Variants in MRTFA observed in about 807,000 individuals in gnomAD.
The protein encoded by MRTFA is myocardin related transcription factor A.
A neutral mutation model predicts 83.5 loss-of-function variants in MRTFA; 20 were observed. The observed-to-expected ratio is 0.24, with a 90% CI of 0.17 to 0.35. MRTFA has a LOEUF of 0.35. MRTFA is among the 10% of genes least tolerant of loss of function. The pLI, the probability that MRTFA is intolerant of heterozygous loss-of-function variation, is 1.00. For synonymous variants in MRTFA, 659 were observed against 541.2 expected, an observed-to-expected ratio of 1.22 and a Z score of -3.02; for missense variants, 1,200 against 1,224.7, an observed-to-expected ratio of 0.98 and a Z score of 0.30.
At chr22:40,610,425 T>A (rs1043131490) in intron 1 of MRTFA, among the ~76,000 whole-genome samples, 1 of 152,158 alleles carries the variant, frequency 6.6e-6, no homozygotes, top group African/African-American at 2.4e-5. Flanking sequence ...AACTGACTAC[T>A]GTACAGGTAA....
chr22:40,557,953 T>C (rs532934589), intron 2 of MRTFA, among the ~76,000 whole-genome samples: 1 of 152,302 alleles, frequency 6.6e-6, no homozygotes, highest in Non-Finnish European at 1.5e-5. Context: ...TTTGTATTTT[T>C]AGTAGAGATG....
chr22:40,459,822 C>CACATATACATATAT (rs1308675939), intron 4 of MRTFA, among the ~76,000 whole-genome samples: 11 of 68,252 alleles, frequency 1.6e-4, no homozygotes, highest in African/African-American at 6.4e-4. Context: ...CACACACACA[C>CACATATACATATAT]ATATATACAT....
At chr22:40,421,152 G>C (rs758865806) in intron 9 of MRTFA, 52 bp from the exon 10 acceptor site, 1 of 1,504,110 alleles carries the variant, frequency 6.6e-7, no homozygotes, top group Admixed American at 2.3e-5. Context: ...AGGCTTCTCG[G>C]GGTGGGGCTG....
At position 40,417,058 on chromosome 22, in the gene MRTFA, A is replaced by AG. The variant is rs769700880; in HGVS notation, c.2518-13dup. ...GAGGAACCATTTTCCTGTGGGACAAAGGAAAAAAAAAAAAGAGATAAAAAT... is the reference window on the plus strand; with the variant it reads ...GAGGAACCATTTTCCTGTGGGACAAAGGGAAAAAAAAAAAAGAGATAAAAAT... On this transcript the variant is annotated splice_polypyrimidine_tract_variant and intron_variant, in intron 13 of 14. Transcript: ENST00000355630. The AG allele has an allele frequency of 2.5e-6, 4 of 1,576,324 alleles. No homozygotes were observed. The highest frequency in any genetic ancestry group is 3.4e-6 in the Non-Finnish European group (4 of 1,160,888).
At chr22:40,459,693 T>C (rs1222930262) in intron 4 of MRTFA, among the ~76,000 whole-genome samples, 2 of 150,966 alleles carry the variant, frequency 1.3e-5, no homozygotes, top group Admixed American at 6.6e-5. Flanking sequence ...CTCTCTCATA[T>C]ACACATGCAC....
intron 3 of MRTFA, among the ~76,000 whole-genome samples, chr22:40,479,721 T>C (rs928554639): frequency 6.6e-6 from 1 of 152,180 alleles, no homozygotes; most frequent in African/African-American, 2.4e-5. Flanking sequence ...ATTTCAGATA[T>C]GGATGTTCAA....
chr22:40,498,252 C>CATAT (rs200779719), intron 3 of MRTFA, among the ~76,000 whole-genome samples: 810 of 77,518 alleles, frequency 0.01, 25 homozygotes, highest in African/African-American at 0.025. Flanking sequence ...GTACACACTT[C>CATAT]ATATATATAT....
At chr22:40,563,106 G>C (rs140350025) in intron 2 of MRTFA, among the ~76,000 whole-genome samples, 3 of 151,932 alleles carry the variant, frequency 2.0e-5, no homozygotes, top group Non-Finnish European at 4.4e-5. Flanking sequence ...CAACAGTACC[G>C]GCCCCTTCAC....
intron 9 of MRTFA, among the ~76,000 whole-genome samples, chr22:40,421,792 G>A (rs907673976): frequency 7.9e-5 from 12 of 152,202 alleles, no homozygotes; most frequent in Non-Finnish European, 1.0e-4. Context: ...TAGCAAGGGA[G>A]TGCCAGAGAG....
At chr22:40,532,675 T>C (rs1036633473) in intron 3 of MRTFA, among the ~76,000 whole-genome samples, 1 of 152,258 alleles carries the variant, frequency 6.6e-6, no homozygotes, top group Non-Finnish European at 1.5e-5. Context: ...GATGTATATC[T>C]GTCTTTCAAC....
At chr22:40,619,904 A>C (rs973685134) in intron 1 of MRTFA, among the ~76,000 whole-genome samples, 1 of 151,540 alleles carries the variant, frequency 6.6e-6, no homozygotes, top group Admixed American at 6.6e-5. Flanking sequence ...AAAAAAAAAA[A>C]AAAAAGAAAT....
chr22:40,470,258 T>C lies in MRTFA; in HGVS notation c.242-6972A>G, dbSNP rs1325186426. 6.1e-5 allele frequency among the ~76,000 whole-genome samples: 6 copies of C among 98,278 alleles called. 1 individual carries two copies. Among genetic ancestry groups the C allele is most frequent in the African/African-American group, 2.6e-4 (6 of 22,824 alleles). 64.5% of individuals were successfully genotyped at this position (98,278 alleles called of 152,430 possible). A position where few individuals can be genotyped will look rare whatever the true frequency, so the allele number is the denominator to read the frequency against. ...ATATATATATATATATATATATATA[T>C]ATATATATATATATATATATATAAA... On this transcript the variant is annotated intron_variant, in intron 3 of 14. Coordinates refer to ENST00000355630, the MANE Select transcript of MRTFA (RefSeq NM_020831.6).
At chr22:40,579,600 C>T (rs2055916038) in intron 2 of MRTFA, among the ~76,000 whole-genome samples, 2 of 152,146 alleles carry the variant, frequency 1.3e-5, no homozygotes, top group Non-Finnish European at 2.9e-5. Context: ...TGGCTCACCC[C>T]TGTAATCCCA....
At chr22:40,502,036 C>G (rs181544743) in intron 3 of MRTFA, among the ~76,000 whole-genome samples, 2 of 136,758 alleles carry the variant, frequency 1.5e-5, no homozygotes, top group Non-Finnish European at 3.2e-5. Context: ...GGGGGCTGAC[C>G]CCCCCACCTC....
intron 4 of MRTFA, among the ~76,000 whole-genome samples, chr22:40,438,604 G>A (rs1409051117): frequency 6.6e-6 from 1 of 152,136 alleles, no homozygotes; most frequent in Non-Finnish European, 1.5e-5. Context: ...CTGCAGTTTC[G>A]CTTTCCATGG....
At chr22:40,464,629 C>T (rs999171984) in intron 3 of MRTFA, among the ~76,000 whole-genome samples, 2 of 152,122 alleles carry the variant, frequency 1.3e-5, no homozygotes, top group Non-Finnish European at 2.9e-5. Context: ...TTCCAAGTCA[C>T]ATCTGAGAGG....
chr22:40,620,685 T>C (rs2056512188), intron 1 of MRTFA, among the ~76,000 whole-genome samples: 1 of 152,034 alleles, frequency 6.6e-6, no homozygotes, highest in African/African-American at 2.4e-5. Context: ...ATCAGGAGTG[T>C]GACTCATGAA....
At chr22:40,580,597 G>A (rs934795723) in intron 2 of MRTFA, among the ~76,000 whole-genome samples, 8 of 152,204 alleles carry the variant, frequency 5.3e-5, no homozygotes, top group South Asian at 2.1e-4. Context: ...CCATATTTGC[G>A]TCAGATTTTA....
chr22:40,525,794 C>T (rs1293362320), intron 3 of MRTFA, among the ~76,000 whole-genome samples: 3 of 151,852 alleles, frequency 2.0e-5, no homozygotes, highest in Non-Finnish European at 4.4e-5. Flanking sequence ...ACCCATTCAA[C>T]AATTATTAAG....
Sources: allele counts gnomAD v4.1 joint callset (sites outside exome capture counted in the v4.1 genomes callset), GRCh38; gene constraint gnomAD v4.1.1; transcripts MANE v1.5; gene names NCBI Gene and HGNC (gene_info 2026-07-23, HGNC 2026-07-21).